LHFPL3: variants seen among roughly 807,000 people sequenced by gnomAD.
The protein encoded by LHFPL3 is LHFPL tetraspan subfamily member 3 protein.
In LHFPL3, 5 loss-of-function variants were observed where a neutral mutation model predicts 19.3. The observed-to-expected ratio is 0.26, with a 90% CI of 0.14 to 0.54. The LOEUF is 0.54. Among genes scored for constraint, LHFPL3 ranks in the 20% least tolerant of loss-of-function variants. LHFPL3 has a pLI of 0.94. For synonymous variants in LHFPL3, 133 were observed against 126.2 expected (o/e 1.05, Z -0.36); for missense variants, 249 against 307.4 (o/e 0.81, Z 1.42).
chr7:104,595,658 C>T (rs1193911006), intron 1 of LHFPL3, among the ~76,000 whole-genome samples: 7 of 152,264 alleles, frequency 4.6e-5, no homozygotes, highest in Non-Finnish European at 4.4e-5. Context: ...CCGCTATGCC[C>T]TACCCACAGA....
intron 1 of LHFPL3, among the ~76,000 whole-genome samples, chr7:104,483,215 C>T (rs1793170055): frequency 6.6e-6 from 1 of 152,208 alleles, no homozygotes; most frequent in Non-Finnish European, 1.5e-5. Flanking sequence ...CACTGTTACT[C>T]CTGGTTTGTT....
chr7:104,850,302 C>CA (rs1247293236), intron 2 of LHFPL3, among the ~76,000 whole-genome samples: 7 of 152,158 alleles, frequency 4.6e-5, no homozygotes, highest in African/African-American at 1.4e-4. Context: ...AACTCCGTCA[C>CA]AAAAAATAAA....
intron 1 of LHFPL3, among the ~76,000 whole-genome samples, chr7:104,356,046 T>A (rs184206010): frequency 6.6e-6 from 1 of 152,178 alleles, no homozygotes; most frequent in Non-Finnish European, 1.5e-5. Flanking sequence ...ACAAAGACAA[T>A]GTGGAAGATT....
intron 1 of LHFPL3, among the ~76,000 whole-genome samples, chr7:104,360,605 A>G (rs965766660): frequency 2.0e-5 from 3 of 150,180 alleles, no homozygotes; most frequent in African/African-American, 7.3e-5. Flanking sequence ...GCTTGATGAT[A>G]AAACACAGGC....
intron 2 of LHFPL3, among the ~76,000 whole-genome samples, chr7:104,870,387 G>A (rs569298200): frequency 6.6e-6 from 1 of 152,296 alleles, no homozygotes; most frequent in Admixed American, 6.5e-5. Context: ...ACCACAGGCT[G>A]TAATATTCGC....
chr7:104,334,174 G>A (rs1033568547), intron 1 of LHFPL3, among the ~76,000 whole-genome samples: 11 of 152,144 alleles, frequency 7.2e-5, no homozygotes, highest in Non-Finnish European at 1.6e-4. Context: ...GTAGGTATTC[G>A]ATAATTTTTC....
chr7:104,776,352 A>G (rs1320511693), intron 2 of LHFPL3, among the ~76,000 whole-genome samples: 3 of 152,246 alleles, frequency 2.0e-5, no homozygotes, highest in African/African-American at 7.2e-5. Context: ...CCCCACCTGC[A>G]TACAGCCTTA....
At chr7:104,461,940 T>C (rs1165645812) in intron 1 of LHFPL3, among the ~76,000 whole-genome samples, 1 of 152,202 alleles carries the variant, frequency 6.6e-6, no homozygotes, top group Non-Finnish European at 1.5e-5. Flanking sequence ...AGGAGTGTTT[T>C]GTAATTCTCC....
chr7:104,823,551 T>C (rs1348435253), intron 2 of LHFPL3, among the ~76,000 whole-genome samples: 1 of 152,206 alleles, frequency 6.6e-6, no homozygotes, highest in Non-Finnish European at 1.5e-5. Context: ...AATTTTTATA[T>C]GAAAATTGTA....
intron 2 of LHFPL3, among the ~76,000 whole-genome samples, chr7:104,900,012 G>A (rs757770831): frequency 4.6e-5 from 7 of 152,304 alleles, no homozygotes; most frequent in South Asian, 2.1e-4. Context: ...GATTACAGGC[G>A]TGAGCCACCG....
intron 1 of LHFPL3, among the ~76,000 whole-genome samples, chr7:104,390,953 T>A (rs1179371742): frequency 1.3e-5 from 2 of 152,206 alleles, no homozygotes; most frequent in African/African-American, 4.8e-5. Flanking sequence ...AGCATTTTTT[T>A]ATGTGTCTGT....
At chr7:104,519,623 T>C (rs1211136197) in intron 1 of LHFPL3, among the ~76,000 whole-genome samples, 1 of 152,180 alleles carries the variant, frequency 6.6e-6, no homozygotes, top group Admixed American at 6.6e-5. Context: ...CTCCTCCAGC[T>C]GATCTCTTGT....
At chr7:104,688,240 C>T (rs557435439) in intron 1 of LHFPL3, among the ~76,000 whole-genome samples, 1 of 152,286 alleles carries the variant, frequency 6.6e-6, no homozygotes, top group South Asian at 2.1e-4. Flanking sequence ...AGGATGAGCT[C>T]AGAGATTCTA....
Position 104,668,882 on chromosome 7 carries a change from C to T in LHFPL3, c.446-67793C>T, listed in dbSNP as rs910608714. ...AGAAAGAGAAGTAGAAGAACGGCTA[C>T]GAAGGAACAAGAGAAGTTGCAGCGT... On this transcript the variant is annotated intron_variant, in intron 1 of 2. Transcript: ENST00000424859. The T allele has an allele frequency of 9.3e-6, 15 of 1,612,000 alleles. No homozygotes were observed. In the African/African-American group the frequency reaches 1.2e-4, roughly 13 times the overall value.
intron 1 of LHFPL3, among the ~76,000 whole-genome samples, chr7:104,664,036 A>G (rs1403674972): frequency 6.6e-6 from 1 of 152,248 alleles, no homozygotes; most frequent in Non-Finnish European, 1.5e-5. Flanking sequence ...GCTATTTATT[A>G]CAAAGCAGAT....
intron 1 of LHFPL3, chr7:104,668,716 G>A (rs991193316): frequency 1.3e-6 from 2 of 1,570,626 alleles, no homozygotes; most frequent in African/African-American, 1.8e-5. Flanking sequence ...GATGATAGAG[G>A]TCCCCCCCCC....
chr7:104,533,215 G>A (rs1794335580), intron 1 of LHFPL3, among the ~76,000 whole-genome samples: 1 of 152,152 alleles, frequency 6.6e-6, no homozygotes, highest in Non-Finnish European at 1.5e-5. Context: ...GGATATGAGT[G>A]ACCACTCTTT....
chr7:104,885,726 G>C (rs1387390408), intron 2 of LHFPL3, among the ~76,000 whole-genome samples: 1 of 151,988 alleles, frequency 6.6e-6, no homozygotes, highest in Non-Finnish European at 1.5e-5. Flanking sequence ...CAGTCTTCTT[G>C]TCACTCACTC....
intron 1 of LHFPL3, among the ~76,000 whole-genome samples, chr7:104,489,644 C>G (rs1373084769): frequency 6.6e-6 from 1 of 151,808 alleles, no homozygotes; most frequent in African/African-American, 2.4e-5. Context: ...GGAGTGAGAT[C>G]AAACCAGAGT....
Sources: allele counts gnomAD v4.1 joint callset (sites outside exome capture counted in the v4.1 genomes callset), GRCh38; gene constraint gnomAD v4.1.1; transcripts MANE v1.5; gene names NCBI Gene and HGNC (gene_info 2026-07-23, HGNC 2026-07-21).